Variants in PLXDC2 observed in about 807,000 individuals in gnomAD.
PLXDC2 encodes plexin domain-containing protein 2.
PLXDC2 carries 40 observed loss-of-function variants against 68.9 expected under a neutral mutation model. That is an observed-to-expected ratio of 0.58 (90% CI 0.45 to 0.76). The LOEUF is 0.76. Among genes scored for constraint, PLXDC2 ranks in the 30% least tolerant of loss-of-function variants. The probability of loss-of-function intolerance (pLI) is 0.00; values close to 1 mark genes in which losing one functional copy is unlikely to be tolerated. For missense variants in PLXDC2, 644 were observed against 661.9 expected, an observed-to-expected ratio of 0.97 and a Z score of 0.30; for synonymous variants, 243 against 234.2, an observed-to-expected ratio of 1.04 and a Z score of -0.34.
rs149134375 is a variant in PLXDC2, at chr10:19,910,828, G to A, written c.113-90947G>A. On this transcript the variant is annotated intron_variant, in intron 1 of 13. Transcript: ENST00000377252. The stretch of plus-strand genomic sequence containing the variant: ...ATCCGGGACCAGCCTAGTGAACATA[G>A]TGAAACCCTGTCTTCACTAAAAATA... Among the ~76,000 whole-genome samples the A allele has an allele frequency of 1.7e-4, 26 of 151,982 alleles. No individual in the cohort carries two copies. The East Asian group carries it at 5.1e-3, about 30-fold the overall frequency.
chr10:19,982,557 T>G (rs1834569226), intron 1 of PLXDC2, among the ~76,000 whole-genome samples: 2 of 152,200 alleles, frequency 1.3e-5, no homozygotes, highest in Admixed American at 1.3e-4. Context: ...ACATATATGT[T>G]TTTATACAGG....
chr10:20,062,675 C>G (rs1836127852), intron 3 of PLXDC2, among the ~76,000 whole-genome samples: 1 of 152,010 alleles, frequency 6.6e-6, no homozygotes, highest in African/African-American at 2.4e-5. Flanking sequence ...CAACAATAAT[C>G]TATTCTAAGC....
At chr10:20,047,099 A>ATAATTAAAT in intron 3 of PLXDC2, 84 bp downstream of exon 3, 1 of 1,348,002 alleles carries the variant, frequency 7.4e-7, no homozygotes, top group South Asian at 1.7e-5. Context: ...TTCTTTTATG[A>ATAATTAAAT]GTTTGATAAT....
chr10:19,977,496 T>A lies in PLXDC2; in HGVS notation c.113-24279T>A, dbSNP rs185075606. ...AAATGTTTCCACATTCTGATGATAA[T>A]CTTTCAGCTAATCTCCTGATTATAA... On this transcript the variant is annotated intron_variant, in intron 1 of 13. Coordinates refer to ENST00000377252, the MANE Select transcript of PLXDC2 (RefSeq NM_032812.9). 6.6e-5 allele frequency among the ~76,000 whole-genome samples: 10 copies of A among 152,314 alleles called. No homozygotes were observed. In the East Asian group the frequency reaches 1.4e-3, roughly 21 times the overall value.
chr10:20,197,754 G>A (rs957888984), intron 9 of PLXDC2, among the ~76,000 whole-genome samples: 1 of 151,944 alleles, frequency 6.6e-6, no homozygotes, highest in African/African-American at 2.4e-5. Context: ...CACCTCCTGG[G>A]TTCCAGCAAC....
At chr10:20,238,677 G>GTGTATATATATATATATATATATATA (rs1554777563) in intron 12 of PLXDC2, among the ~76,000 whole-genome samples, 9 of 76,902 alleles carry the variant, frequency 1.2e-4, no homozygotes, top group African/African-American at 3.8e-4. Context: ...ATATATATAT[G>GTGTATATATATATATATATATATATA]TATATATATA....
intron 3 of PLXDC2, among the ~76,000 whole-genome samples, chr10:20,052,051 CCA>C (rs1397454075): frequency 2.6e-5 from 4 of 151,828 alleles, no homozygotes; most frequent in Admixed American, 6.6e-5. Flanking sequence ...CCGCACACGA[CCA>C]CACACACAGT....
intron 4 of PLXDC2, among the ~76,000 whole-genome samples, chr10:20,141,372 G>C (rs996689309): frequency 3.9e-5 from 6 of 152,028 alleles, no homozygotes; most frequent in African/African-American, 1.4e-4. Flanking sequence ...AGGGATTGCT[G>C]CTGTTCTTCT....
At chr10:19,933,333 C>A (rs1219566869) in intron 1 of PLXDC2, among the ~76,000 whole-genome samples, 3 of 152,038 alleles carry the variant, frequency 2.0e-5, no homozygotes, top group East Asian at 1.9e-4. Flanking sequence ...CCCAAATCAC[C>A]AATTAGAGCA....
At chr10:20,103,644 T>C (rs11498344) in intron 4 of PLXDC2, among the ~76,000 whole-genome samples, 50,848 of 144,462 alleles carry the variant, frequency 0.35, 11,076 homozygotes, top group African/African-American at 0.64. Flanking sequence ...TTCTTTTTTT[T>C]TTTCTTTTTT....
chr10:19,935,863 C>G (rs1005762701), intron 1 of PLXDC2, among the ~76,000 whole-genome samples: 5 of 152,128 alleles, frequency 3.3e-5, no homozygotes, highest in Admixed American at 2.0e-4. Context: ...CTAGTACAAC[C>G]ATCAGAAGAA....
chr10:20,006,872 T>G (rs1254834611), intron 2 of PLXDC2, among the ~76,000 whole-genome samples: 1 of 152,230 alleles, frequency 6.6e-6, no homozygotes, highest in East Asian at 1.9e-4. Flanking sequence ...GCCCAACAGA[T>G]GGCAAATGCC....
At chr10:19,941,497 A>G (rs1444359387) in intron 1 of PLXDC2, among the ~76,000 whole-genome samples, 2 of 152,206 alleles carry the variant, frequency 1.3e-5, no homozygotes, top group Non-Finnish European at 2.9e-5. Context: ...CTGGCTTCCA[A>G]GGTCTGGGTG....
intron 6 of PLXDC2, among the ~76,000 whole-genome samples, chr10:20,151,436 A>G (rs938002712): frequency 2.0e-5 from 3 of 152,170 alleles, no homozygotes; most frequent in African/African-American, 7.2e-5. Context: ...GAAATAGATC[A>G]TACATGATTA....
chr10:19,983,598 C>A (rs765448625), intron 1 of PLXDC2, among the ~76,000 whole-genome samples: 3 of 152,144 alleles, frequency 2.0e-5, no homozygotes, highest in Non-Finnish European at 2.9e-5. Flanking sequence ...AACTAACGCC[C>A]CAGTGAGATA....
At position 20,147,918 on chromosome 10, in the gene PLXDC2, A is replaced by T; in HGVS notation, c.783+16A>T. 1 of 1,534,064 alleles carries T rather than the reference A, an allele frequency of 6.5e-7. No individual in the cohort carries two copies. Among genetic ancestry groups the T allele is most frequent in the Non-Finnish European group, 9.0e-7 (1 of 1,107,360 alleles). ...ATACAAAGAAGTAAGTGATGCGTTG[A>T]TAATTTCTTTCCCTTCCCCTTGTTC... On this transcript the variant is annotated intron_variant, in intron 6 of 13. Transcript: ENST00000377252.
At chr10:19,856,870 AG>A (rs1424690472) in intron 1 of PLXDC2, among the ~76,000 whole-genome samples, 1 of 152,210 alleles carries the variant, frequency 6.6e-6, no homozygotes, top group Non-Finnish European at 1.5e-5. Context: ...CCGTGGTTAC[AG>A]GGATAAAGAA....
At chr10:20,042,153 G>T (rs531424135) in intron 2 of PLXDC2, among the ~76,000 whole-genome samples, 13 of 152,050 alleles carry the variant, frequency 8.5e-5, no homozygotes, top group Admixed American at 5.9e-4. Context: ...TGCTTATTCT[G>T]GCCAGTAGTG....
At chr10:19,981,574 A>G (rs1834550020) in intron 1 of PLXDC2, among the ~76,000 whole-genome samples, 1 of 152,186 alleles carries the variant, frequency 6.6e-6, no homozygotes, top group Non-Finnish European at 1.5e-5. Context: ...GTCTTTTCTT[A>G]GTAAGCTTAC....
Sources: allele counts gnomAD v4.1 joint callset (sites outside exome capture counted in the v4.1 genomes callset), GRCh38; gene constraint gnomAD v4.1.1; transcripts MANE v1.5; gene names NCBI Gene and HGNC (gene_info 2026-07-23, HGNC 2026-07-21).